The following SRPK2 variants were observed in gnomAD, a reference collection of about 807,000 sequenced individuals.
SRPK2 encodes the protein SRSF protein kinase 2, also known as SFRS protein kinase 2.
In SRPK2, 21 loss-of-function variants were observed where a neutral mutation model predicts 90.8. The observed-to-expected ratio is 0.23, with a 90% confidence interval of 0.16 to 0.33. The LOEUF is 0.33. Among genes scored for constraint, SRPK2 ranks in the 10% least tolerant of loss-of-function variants. SRPK2 has a pLI of 1.00. For missense variants in SRPK2, 620 were observed against 869.0 expected (o/e 0.71, Z 3.60); for synonymous variants, 288 against 311.1 (o/e 0.93, Z 0.78).
At chr7:105,361,772 A>G (rs1021876288) in intron 2 of SRPK2, among the ~76,000 whole-genome samples, 2 of 152,200 alleles carry the variant, frequency 1.3e-5, no homozygotes, top group African/African-American at 4.8e-5. Flanking sequence ...GGCTAGCTAT[A>G]TGTAGAAAAC....
rs564818838 is a variant in SRPK2, at chr7:105,221,690, T to G, written c.72-17905A>C. On this transcript the variant is annotated intron_variant, in intron 2 of 15. Coordinates refer to ENST00000393651, the MANE Select transcript of SRPK2 (RefSeq NM_182692.3). ...GTCCACAACAGTCCTAACCATATCC[T>G]TTGCCATCTATCTGTGGCGCCACAT... 1.5e-3 allele frequency among the ~76,000 whole-genome samples: 230 copies of G among 152,252 alleles called. 4 individuals carry two copies. The South Asian group carries it at 0.025, about 17-fold the overall frequency.
intron 2 of SRPK2, among the ~76,000 whole-genome samples, chr7:105,349,298 G>C (rs1208631519): frequency 6.6e-6 from 1 of 151,656 alleles, no homozygotes; most frequent in Non-Finnish European, 1.5e-5. Context: ...CAAGGTAGGC[G>C]GATCACTGGA....
chr7:105,143,812 A>T (rs757957), intron 9 of SRPK2: 6,557 of 155,754 alleles, frequency 0.042, 502 homozygotes, highest in African/African-American at 0.15. Flanking sequence ...TGTAAGAGAT[A>T]AGCCTATGCT....
chr7:105,340,580 T>A (rs1815649964), intron 2 of SRPK2, among the ~76,000 whole-genome samples: 1 of 151,696 alleles, frequency 6.6e-6, no homozygotes, highest in South Asian at 2.1e-4. Flanking sequence ...CCCAGCTAAG[T>A]TTTTTGGTTT....
intron 6 of SRPK2, 60 bp downstream of exon 6, chr7:105,167,317 T>C: frequency 7.1e-7 from 1 of 1,412,460 alleles, no homozygotes; most frequent in Non-Finnish European, 1.0e-6. Flanking sequence ...TTATAGGAGC[T>C]TGAAATATTT....
intron 3 of SRPK2, among the ~76,000 whole-genome samples, chr7:105,184,474 A>G (rs1793317914): frequency 6.6e-6 from 1 of 152,166 alleles, no homozygotes; most frequent in African/African-American, 2.4e-5. Context: ...AAGACGCTTA[A>G]TAGTATTCTA....
intron 7 of SRPK2, among the ~76,000 whole-genome samples, chr7:105,150,284 C>A (rs1050221275): frequency 6.6e-6 from 1 of 152,156 alleles, no homozygotes; most frequent in African/African-American, 2.4e-5. Flanking sequence ...TTCGGGAAGC[C>A]GAGGCAGGCA....
downstream of SRPK2, among the ~76,000 whole-genome samples, chr7:105,116,139 C>T (rs536967761): frequency 6.1e-4 from 92 of 152,006 alleles, no homozygotes; most frequent in Non-Finnish European, 1.2e-3. Flanking sequence ...TTTTGATGAA[C>T]CATGGATGAA....
At chr7:105,144,746 G>A (rs901457273) in intron 9 of SRPK2, among the ~76,000 whole-genome samples, 22 of 152,126 alleles carry the variant, frequency 1.4e-4, no homozygotes, top group Non-Finnish European at 2.6e-4. Flanking sequence ...CCATAGTCCA[G>A]AAAATGCATA....
At position 105,143,332 on chromosome 7, in the gene SRPK2, T is replaced by C; in HGVS notation, c.814-2A>G. 6.2e-7 allele frequency: 1 copy of C among 1,609,860 alleles called. No homozygotes were observed. Among genetic ancestry groups the C allele is most frequent in the Non-Finnish European group, 8.5e-7 (1 of 1,179,546 alleles). On this transcript the variant is annotated splice_acceptor_variant, in intron 9 of 15. Coordinates refer to ENST00000393651, the MANE Select transcript of SRPK2 (RefSeq NM_182692.3). LOFTEE classifies it high-confidence loss of function. The stretch of plus-strand genomic sequence containing the variant: ...TTTGTTTTTAGATATTTTTCCTATC[T>C]ATGTTAAGGAAAGACCACAGGTCAG...
chr7:105,183,653 A>G (rs1001842619), intron 3 of SRPK2, among the ~76,000 whole-genome samples: 3 of 150,598 alleles, frequency 2.0e-5, no homozygotes. Context: ...CACCTGGCTA[A>G]TTTTTTTGTA....
chr7:105,301,776 G>A, intron 2 of SRPK2: 2 of 1,580,552 alleles, frequency 1.3e-6, no homozygotes, highest in Admixed American at 1.7e-5. Context: ...CAAGTTACAG[G>A]AAGCAGTAGA....
chr7:105,282,895 T>A (rs1295297137), intron 2 of SRPK2, among the ~76,000 whole-genome samples: 1 of 148,772 alleles, frequency 6.7e-6, no homozygotes, highest in Non-Finnish European at 1.5e-5. Flanking sequence ...ACGTAACTGA[T>A]AAAAAAAAAA....
intron 9 of SRPK2, 134 bp from the exon 10 acceptor site, chr7:105,143,464 C>T (rs969659302): frequency 1.8e-6 from 2 of 1,135,882 alleles, no homozygotes; most frequent in Admixed American, 2.6e-5. Flanking sequence ...CAAACCCAGA[C>T]AGATCCACTT....
intron 2 of SRPK2, among the ~76,000 whole-genome samples, chr7:105,354,520 T>C (rs1418205398): frequency 6.6e-6 from 1 of 152,110 alleles, no homozygotes; most frequent in Non-Finnish European, 1.5e-5. Context: ...AAGCCACACA[T>C]CATCAGGCAG....
chr7:105,304,441 C>T (rs1273471504), intron 2 of SRPK2: 4 of 151,950 alleles, frequency 2.6e-5, no homozygotes, highest in African/African-American at 9.7e-5. Flanking sequence ...GGTAAGTACA[C>T]TACACACCAT....
At chr7:105,274,540 A>G (rs1243630505) in intron 2 of SRPK2, among the ~76,000 whole-genome samples, 1 of 151,864 alleles carries the variant, frequency 6.6e-6, no homozygotes, top group Non-Finnish European at 1.5e-5. Flanking sequence ...CCAAGCTGGG[A>G]GACAGAGCAA....
chr7:105,156,399 T>C (rs1185259838), intron 7 of SRPK2, among the ~76,000 whole-genome samples: 1 of 152,236 alleles, frequency 6.6e-6, no homozygotes, highest in Non-Finnish European at 1.5e-5. Flanking sequence ...ACTCAAATTA[T>C]ACCTGGCACA....
intron 2 of SRPK2, among the ~76,000 whole-genome samples, chr7:105,208,296 T>TACC (rs1266255593): frequency 1.3e-5 from 2 of 152,142 alleles, no homozygotes; most frequent in East Asian, 3.9e-4. Flanking sequence ...CCCAAGTATA[T>TACC]ACCCAAGAGA....
Sources: gnomAD v4.1 joint callset for allele counts (sites outside exome capture counted in the v4.1 genomes callset) on GRCh38, gnomAD v4.1.1 for gene constraint, MANE v1.5 for transcripts, NCBI Gene and HGNC (gene_info 2026-07-23, HGNC 2026-07-21) for gene names.